The following SMARCC1 variants were observed in gnomAD, a reference collection of about 807,000 sequenced individuals.
SMARCC1 encodes SWI/SNF complex subunit SMARCC1.
Under a neutral mutation model 147.4 loss-of-function variants are expected in SMARCC1, and 43 were observed. That is an observed-to-expected ratio of 0.29 (90% CI 0.23 to 0.38). The LOEUF is 0.38. Among genes scored for constraint, SMARCC1 ranks in the 10% least tolerant of loss-of-function variants. The pLI, the probability that SMARCC1 is intolerant of heterozygous loss-of-function variation, is 1.00. For synonymous variants in SMARCC1, 495 were observed against 484.4 expected (o/e 1.02, Z -0.29); for missense variants, 1,119 against 1,381.1 (o/e 0.81, Z 3.01).
intron 7 of SMARCC1, among the ~76,000 whole-genome samples, chr3:47,716,068 A>G (rs2034152120): frequency 6.6e-6 from 1 of 151,444 alleles, no homozygotes; most frequent in African/African-American, 2.4e-5. Flanking sequence ...GACATCTAGT[A>G]TGATGACAAG....
At chr3:47,695,593 CCT>C (rs1377696199) in intron 11 of SMARCC1, among the ~76,000 whole-genome samples, 1 of 151,324 alleles carries the variant, frequency 6.6e-6, no homozygotes, top group East Asian at 1.9e-4. Flanking sequence ...GTGGTGAAAC[CCT>C]GTCTCTACTA....
chr3:47,771,420 A>G (rs911781234), intron 2 of SMARCC1, among the ~76,000 whole-genome samples: 2 of 152,196 alleles, frequency 1.3e-5, no homozygotes, highest in African/African-American at 2.4e-5. Context: ...TAGTATTTGT[A>G]AAATCAGAGT....
intron 24 of SMARCC1, among the ~76,000 whole-genome samples, chr3:47,626,653 G>A (rs545597276): frequency 6.6e-6 from 1 of 152,122 alleles, no homozygotes; most frequent in Non-Finnish European, 1.5e-5. Context: ...ACTTGTGGTA[G>A]ATTAAAGATA....
At chr3:47,677,702 T>C (rs2033592128) in intron 16 of SMARCC1, among the ~76,000 whole-genome samples, 1 of 151,788 alleles carries the variant, frequency 6.6e-6, no homozygotes, top group Non-Finnish European at 1.5e-5. Flanking sequence ...GCCACCACGC[T>C]TGGCTAATTT....
At chr3:47,610,799 G>A (rs2032553824) in intron 25 of SMARCC1, 1 of 172,550 alleles carries the variant, frequency 5.8e-6, no homozygotes, top group South Asian at 1.4e-4. Context: ...CATGGTTACT[G>A]TCTATTTTAG....
chr3:47,777,773 C>T (rs1293170412), intron 1 of SMARCC1, among the ~76,000 whole-genome samples: 7 of 151,852 alleles, frequency 4.6e-5, no homozygotes, highest in Non-Finnish European at 1.0e-4. Flanking sequence ...GGTGATCCAC[C>T]GGCCTCGGTC....
chr3:47,593,424 G>A (rs1191604348), intron 26 of SMARCC1, among the ~76,000 whole-genome samples: 1 of 148,070 alleles, frequency 6.8e-6, no homozygotes, highest in East Asian at 2.1e-4. Context: ...TGCCCGCCTC[G>A]GCCGCCCAAA....
intron 19 of SMARCC1, among the ~76,000 whole-genome samples, chr3:47,670,158 C>A (rs1236699033): frequency 6.6e-6 from 1 of 152,186 alleles, no homozygotes; most frequent in African/African-American, 2.4e-5. Context: ...CATCTCAATA[C>A]CTAACTACAT....
At chr3:47,662,963 C>G (rs2033367931) in intron 19 of SMARCC1, among the ~76,000 whole-genome samples, 1 of 150,918 alleles carries the variant, frequency 6.6e-6, no homozygotes, top group Admixed American at 6.6e-5. Context: ...GTAATCCCAG[C>G]TACTCAGGAG....
At chr3:47,639,611 G>T (rs931182039) in intron 21 of SMARCC1, among the ~76,000 whole-genome samples, 1 of 152,184 alleles carries the variant, frequency 6.6e-6, no homozygotes, top group African/African-American at 2.4e-5. Context: ...TTACTCAGGA[G>T]TCTGAGGCAG....
chr3:47,733,906 C>T (rs1261137417), intron 5 of SMARCC1, among the ~76,000 whole-genome samples: 3 of 146,936 alleles, frequency 2.0e-5, no homozygotes, highest in Non-Finnish European at 3.0e-5. Flanking sequence ...TATATATATA[C>T]ACACATATGT....
In SMARCC1 at chr3:47,693,319, G is replaced by C; in HGVS notation, c.1166-19C>G. 1 of 1,429,550 alleles carries C rather than the reference G, an allele frequency of 7.0e-7. No individual in the cohort carries two copies. The highest frequency in any genetic ancestry group is 1.2e-5 in the South Asian group (1 of 86,230). The allele number at this position is 1,429,550 out of a possible 1,614,324, so 88.6% of individuals were successfully genotyped here. ...AGGTTCACTAGAAAAAGAAAAAAAAGAGTTATGTTTATGTGGGAAAAGTTG... is the reference window on the plus strand; with the variant it reads ...AGGTTCACTAGAAAAAGAAAAAAAACAGTTATGTTTATGTGGGAAAAGTTG... On this transcript the variant is annotated intron_variant, in intron 11 of 27. Coordinates refer to ENST00000254480, the MANE Select transcript of SMARCC1 (RefSeq NM_003074.4).
At chr3:47,763,899 T>C (rs929570015) in intron 2 of SMARCC1, among the ~76,000 whole-genome samples, 2 of 151,288 alleles carry the variant, frequency 1.3e-5, no homozygotes, top group African/African-American at 4.9e-5. Context: ...TTTTTTTATT[T>C]TTTGTAGACG....
At position 47,636,348 on chromosome 3, in the gene SMARCC1, T is replaced by C. The variant is rs944240801; in HGVS notation, c.2377-212A>G. Among the ~76,000 whole-genome samples the C allele has an allele frequency of 9.9e-5, 15 of 152,232 alleles. No homozygotes were observed. The East Asian group carries it at 2.9e-3, about 29-fold the overall frequency. On this transcript the variant is annotated intron_variant, in intron 22 of 27. Transcript: ENST00000254480. Reference sequence around the variant, plus strand: ...TCAACACTTGAGTGCTCACAAGATGTTCCTCCAAAGCACAGAGTCGCTGCC... The same window carrying C: ...TCAACACTTGAGTGCTCACAAGATGCTCCTCCAAAGCACAGAGTCGCTGCC...
chr3:47,714,154 G>A (rs544787529), intron 8 of SMARCC1, among the ~76,000 whole-genome samples: 3 of 152,266 alleles, frequency 2.0e-5, no homozygotes, highest in South Asian at 4.1e-4. Context: ...ACCCGAGGTC[G>A]GGAGGCTGAG....
At chr3:47,700,354 G>A (rs1249672202) in intron 11 of SMARCC1, among the ~76,000 whole-genome samples, 1 of 152,152 alleles carries the variant, frequency 6.6e-6, no homozygotes, top group African/African-American at 2.4e-5. Flanking sequence ...AAAGATGGGT[G>A]AAGAAGGCTA....
At chr3:47,678,906 T>C (rs2033605009) in intron 15 of SMARCC1, among the ~76,000 whole-genome samples, 1 of 152,208 alleles carries the variant, frequency 6.6e-6, no homozygotes, top group African/African-American at 2.4e-5. Context: ...ACACATGTCA[T>C]GTGGATTTGG....
chr3:47,594,417 C>A (rs576384639), intron 26 of SMARCC1, among the ~76,000 whole-genome samples: 8 of 152,170 alleles, frequency 5.3e-5, no homozygotes, highest in Non-Finnish European at 5.9e-5. Flanking sequence ...GTGAACACTG[C>A]GACTAGGACC....
At chr3:47,670,323 G>C (rs2033478496) in intron 19 of SMARCC1, 1 of 290,484 alleles carries the variant, frequency 3.4e-6, no homozygotes, top group Non-Finnish European at 6.4e-6. Flanking sequence ...GCCAGGCACA[G>C]TGGTTCATGC....
Sources: allele counts gnomAD v4.1 joint callset (sites outside exome capture counted in the v4.1 genomes callset), GRCh38; gene constraint gnomAD v4.1.1; transcripts MANE v1.5; gene names NCBI Gene and HGNC (gene_info 2026-07-23, HGNC 2026-07-21).